SLC25A36: variants seen among roughly 807,000 people sequenced by gnomAD.
The protein encoded by SLC25A36 is solute carrier family 25 member 36.
A neutral mutation model predicts 35.3 loss-of-function variants in SLC25A36; 24 were observed. The ratio of observed to expected loss-of-function variants is 0.68; its 90% CI spans 0.49 to 0.96. SLC25A36 has a LOEUF of 0.96. SLC25A36 is among the 40% of genes least tolerant of loss of function. The pLI is 0.00. For synonymous variants in SLC25A36, 141 were observed against 132.2 expected, an observed-to-expected ratio of 1.07 and a Z score of -0.46; for missense variants, 294 against 381.1, an observed-to-expected ratio of 0.77 and a Z score of 1.90.
chr3:140,942,175 G>C (rs1261880807), intron 1 of SLC25A36, 80 bp downstream of exon 1: 2 of 156,214 alleles, frequency 1.3e-5, no homozygotes, highest in Non-Finnish European at 2.6e-5. Context: ...GAGGGGGGCC[G>C]AGGGGGGTGG....
rs1935166436 is a variant in SLC25A36, at chr3:140,980,924, A to G, written c.*4471A>G. Among the ~76,000 whole-genome samples the G allele has an allele frequency of 1.3e-5, 2 of 152,272 alleles. No homozygotes were observed. Among genetic ancestry groups the G allele is most frequent in the South Asian group, 4.1e-4 (2 of 4,824 alleles). On this transcript the variant is annotated 3_prime_UTR_variant, in exon 7 of 7. Transcript: ENST00000324194. ...TATGTTCATAGAGTGCTGTGTTTAT[A>G]CAGTGGTGTCATGTGATTTCTTAAT... is the stretch of plus-strand genomic sequence containing the variant.
At position 140,976,355 on chromosome 3, in the gene SLC25A36, C is replaced by G; in HGVS notation, c.838C>G (p.Leu280Val). ...LLVQEEGYGSLYRGLTTHLVR... is the reference protein window; with the variant it reads ...LLVQEEGYGSVYRGLTTHLVR... ...TGTTCAAGAAGAAGGTTATGGGTCT[C>G]TTTATCGTGGTCTGACAACTCATCT... The change falls in exon 7 of 7, where the codon CTT becomes GTT. Residue 280 changes from leucine to valine, a missense_variant. By Grantham distance (32) the Leu-to-Val change is conservative. Coordinates refer to ENST00000324194, the MANE Select transcript of SLC25A36 (RefSeq NM_001104647.3). The G allele has an allele frequency of 6.2e-7, 1 of 1,613,860 alleles. No homozygotes were observed. The highest frequency in any genetic ancestry group is 2.2e-5 in the East Asian group (1 of 44,868).
intron 4 of SLC25A36, chr3:140,968,532 C>T: frequency 9.4e-6 from 9 of 960,734 alleles, no homozygotes; most frequent in Non-Finnish European, 1.1e-5. Context: ...GTGAGAAATA[C>T]CTGTTGTTTG....
At chr3:140,967,064 A>G in intron 4 of SLC25A36, 1 of 456,164 alleles carries the variant, frequency 2.2e-6, no homozygotes, top group Non-Finnish European at 4.4e-6. Context: ...CATCTCTTGC[A>G]GCCTGTAGTA....
intron 3 of SLC25A36, 73 bp from the exon 4 acceptor site, chr3:140,963,054 A>G (rs1020593319): frequency 2.2e-6 from 2 of 915,868 alleles, no homozygotes; most frequent in African/African-American, 3.5e-5. Context: ...TTCTAAAATT[A>G]TGAAGATCAA....
rs1384950125 is a variant in SLC25A36, at chr3:140,941,876, G to A, written c.-179G>A. ...GCGGCGCGCTTAGGCAGGCGGTGGCGCGGCTGGAGTGCCGCGGGGAGGGCT... is the reference window on the plus strand; with the variant it reads ...GCGGCGCGCTTAGGCAGGCGGTGGCACGGCTGGAGTGCCGCGGGGAGGGCT... On this transcript the variant is annotated 5_prime_UTR_variant, in exon 1 of 7. Coordinates refer to ENST00000324194, the MANE Select transcript of SLC25A36 (RefSeq NM_001104647.3). 6.0e-6 allele frequency: 3 copies of A among 502,126 alleles called. No homozygotes were observed. The highest frequency in any genetic ancestry group is 4.1e-5 in the African/African-American group (2 of 48,942). 31.1% of individuals were successfully genotyped at this position (502,126 alleles called of 1,614,324 possible).
At chr3:140,964,896 T>A (rs975014735) in intron 4 of SLC25A36, 1 of 151,864 alleles carries the variant, frequency 6.6e-6, no homozygotes, top group Non-Finnish European at 1.5e-5. Context: ...TTGCAAAGAA[T>A]TTCAGTAGAA....
chr3:140,961,118 A>G (rs993539558), intron 3 of SLC25A36, among the ~76,000 whole-genome samples: 2 of 152,166 alleles, frequency 1.3e-5, no homozygotes, highest in African/African-American at 4.8e-5. Context: ...TTACGTTTCA[A>G]CTTTTTATGG....
intron 4 of SLC25A36, chr3:140,968,598 G>T (rs1441506362): frequency 2.1e-6 from 2 of 932,456 alleles, no homozygotes; most frequent in Non-Finnish European, 2.6e-6. Flanking sequence ...TAATTTATGG[G>T]TCTTTAAAAG....
At chr3:140,975,654 A>T (rs1935024318) in intron 6 of SLC25A36, among the ~76,000 whole-genome samples, 1 of 152,192 alleles carries the variant, frequency 6.6e-6, no homozygotes, top group Non-Finnish European at 1.5e-5. Context: ...CTCACCTTTT[A>T]AAATGAGGAA....
intron 1 of SLC25A36, among the ~76,000 whole-genome samples, chr3:140,953,529 CT>C (rs1274649455): frequency 1.3e-5 from 2 of 152,028 alleles, no homozygotes; most frequent in Admixed American, 1.3e-4. Context: ...ATTAAGAATT[CT>C]TACTGGTTTT....
At chr3:140,944,550 G>A (rs1934111859) in intron 1 of SLC25A36, among the ~76,000 whole-genome samples, 1 of 152,160 alleles carries the variant, frequency 6.6e-6, no homozygotes, top group South Asian at 2.1e-4. Flanking sequence ...ACTATTAAAT[G>A]TATTTTTAAA....
At chr3:140,946,866 T>A (rs1360861375) in intron 1 of SLC25A36, among the ~76,000 whole-genome samples, 1 of 152,054 alleles carries the variant, frequency 6.6e-6, no homozygotes, top group Non-Finnish European at 1.5e-5. Flanking sequence ...GGAAAGAGGA[T>A]TGGACTAGGG....
intron 5 of SLC25A36, among the ~76,000 whole-genome samples, chr3:140,971,405 GT>G (rs1343130803): frequency 6.6e-6 from 1 of 151,890 alleles, no homozygotes; most frequent in Non-Finnish European, 1.5e-5. Context: ...TAGTGACCTT[GT>G]GAATAGAGAA....
chr3:140,946,344 G>A (rs1192106750), intron 1 of SLC25A36, among the ~76,000 whole-genome samples: 6 of 152,222 alleles, frequency 3.9e-5, no homozygotes, highest in Non-Finnish European at 7.3e-5. Context: ...CCTGGTAAGA[G>A]TGAGATAATG....
chr3:140,973,519 A>T (rs1934958803), intron 5 of SLC25A36, 197 bp from the exon 6 acceptor site: 2 of 403,442 alleles, frequency 5.0e-6, no homozygotes, highest in Non-Finnish European at 8.4e-6. Context: ...AGTAAAATAA[A>T]CTATTTACAT....
Position 140,963,185 on chromosome 3 carries a change from C to G in SLC25A36, c.343C>G (p.Pro115Ala), listed in dbSNP as rs746328750. Residue 115 changes from proline (P) to alanine (A), a missense_variant, in exon 4 of 7, where the codon CCT (proline) becomes GCT (alanine). By Grantham distance (27) the Pro-to-Ala change is conservative. Coordinates refer to ENST00000324194, the MANE Select transcript of SLC25A36 (RefSeq NM_001104647.3). ...CKEKLNDVFD[P>A]DSTQVHMISA... ...GGAAAAGTTGAATGATGTATTTGAT[C>G]CTGATTCTACCCAAGTACATATGAT... 6.9e-6 allele frequency: 11 copies of G among 1,595,926 alleles called. No individual in the cohort carries two copies. In the African/African-American group the frequency reaches 1.2e-4, roughly 18 times the overall value.
chr3:140,971,668 G>GAA (rs1934905978), intron 5 of SLC25A36, among the ~76,000 whole-genome samples: 1 of 152,092 alleles, frequency 6.6e-6, no homozygotes, highest in South Asian at 2.1e-4. Flanking sequence ...TCTGGGAACT[G>GAA]AGAGTAGGCC....
intron 1 of SLC25A36, among the ~76,000 whole-genome samples, chr3:140,954,786 A>T (rs1378329821): frequency 6.6e-6 from 1 of 151,968 alleles, no homozygotes; most frequent in Admixed American, 6.6e-5. Flanking sequence ...TTTTCTTCTC[A>T]GTTTCTTTCA....
Sources: allele counts gnomAD v4.1 joint callset (sites outside exome capture counted in the v4.1 genomes callset), GRCh38; gene constraint gnomAD v4.1.1; transcripts MANE v1.5; gene names NCBI Gene and HGNC (gene_info 2026-07-23, HGNC 2026-07-21).